PPP1R42: variants seen among roughly 807,000 people sequenced by gnomAD.
The protein encoded by PPP1R42 is protein phosphatase 1 regulatory subunit 42.
A neutral mutation model predicts 31.0 loss-of-function variants in PPP1R42; 34 were observed. The ratio of observed to expected loss-of-function variants is 1.10; its 90% CI spans 0.83 to 1.46. PPP1R42 has a LOEUF of 1.46. Ranked by LOEUF, PPP1R42 falls within the 40% of genes most tolerant of loss-of-function variation. The pLI, the probability that PPP1R42 is intolerant of heterozygous loss-of-function variation, is 0.00. For missense variants in PPP1R42, 268 were observed against 303.0 expected (o/e 0.88, Z 0.86); for synonymous variants, 103 against 109.8 (o/e 0.94, Z 0.39).
At chr8:66,999,943 G>A (rs1815435791) in intron 5 of PPP1R42, among the ~76,000 whole-genome samples, 1 of 152,096 alleles carries the variant, frequency 6.6e-6, no homozygotes, top group African/African-American at 2.4e-5. Context: ...TAGTGACATA[G>A]TTTTCATTCC....
chr8:67,000,898 G>A (rs550173198), intron 5 of PPP1R42, among the ~76,000 whole-genome samples: 10 of 152,290 alleles, frequency 6.6e-5, no homozygotes, highest in African/African-American at 2.2e-4. Context: ...CAAGAGAAGT[G>A]TTGAAATCTC....
At chr8:67,018,802 T>G (rs1585685485) in intron 1 of PPP1R42, among the ~76,000 whole-genome samples, 19 of 49,704 alleles carry the variant, frequency 3.8e-4, no homozygotes, top group South Asian at 2.2e-3. Context: ...TGAGCCACCG[T>G]GCCTGGCCCC....
intron 7 of PPP1R42, among the ~76,000 whole-genome samples, chr8:66,970,258 G>A (rs1585957648): frequency 6.6e-6 from 1 of 151,998 alleles, no homozygotes; most frequent in Admixed American, 6.6e-5. Context: ...AGCCTCCAAA[G>A]TAGCTGGGAC....
At chr8:66,997,930 T>C (rs768007378) in intron 5 of PPP1R42, among the ~76,000 whole-genome samples, 15 of 152,186 alleles carry the variant, frequency 9.9e-5, no homozygotes, top group Admixed American at 3.3e-4. Context: ...GAGAAAAGAA[T>C]CTGAGATCTT....
In PPP1R42 at chr8:66,984,383, G is replaced by A. The variant is rs1379352673; in HGVS notation, c.671-2203C>T. 6.1e-6 allele frequency: 8 copies of A among 1,305,938 alleles called. No homozygotes were observed. The East Asian group carries it at 6.9e-5, about 11-fold the overall frequency. The allele number at this position is 1,305,938 out of a possible 1,614,324, so 80.9% of individuals were successfully genotyped here. ...GATGTCTGTTCATCCCACTTTATCC[G>A]ATGCAGCATAAGATGCTTCAATTTC... is the stretch of plus-strand genomic sequence containing the variant. On this transcript the variant is annotated intron_variant, in intron 6 of 7. Transcript: ENST00000685739.
intron 5 of PPP1R42, among the ~76,000 whole-genome samples, chr8:66,991,972 A>G (rs1815202289): frequency 6.6e-6 from 1 of 152,168 alleles, no homozygotes; most frequent in Admixed American, 6.5e-5. Flanking sequence ...AGTCTACTGC[A>G]TGGCTATAGT....
intron 7 of PPP1R42, among the ~76,000 whole-genome samples, chr8:66,980,888 G>T (rs540289993): frequency 1.4e-3 from 220 of 152,028 alleles, no homozygotes; most frequent in African/African-American, 5.0e-3. Context: ...TGTCGCCCAG[G>T]CTGGAGTGCA....
intron 5 of PPP1R42, among the ~76,000 whole-genome samples, chr8:67,004,936 C>A (rs1815627281): frequency 6.6e-6 from 1 of 152,104 alleles, no homozygotes; most frequent in African/African-American, 2.4e-5. Flanking sequence ...GAGATGTTTT[C>A]TCTTGAGCTA....
intron 1 of PPP1R42, among the ~76,000 whole-genome samples, chr8:67,027,840 C>T (rs1333205003): frequency 6.6e-6 from 1 of 152,100 alleles, no homozygotes; most frequent in South Asian, 2.1e-4. Context: ...CTTTGGGACT[C>T]CTCTTACTAG....
chr8:66,977,478 C>G (rs1194566961), intron 7 of PPP1R42, among the ~76,000 whole-genome samples: 1 of 151,940 alleles, frequency 6.6e-6, no homozygotes, highest in Non-Finnish European at 1.5e-5. Flanking sequence ...GCTGGGACTA[C>G]AGGTGTGTAC....
At chr8:66,975,003 C>T (rs1007311992) in intron 7 of PPP1R42, among the ~76,000 whole-genome samples, 3 of 152,104 alleles carry the variant, frequency 2.0e-5, no homozygotes. Context: ...TTTAGAATTG[C>T]TTTTTTCTAT....
chr8:67,016,745 C>T (rs1816027349), intron 2 of PPP1R42, among the ~76,000 whole-genome samples: 2 of 152,214 alleles, frequency 1.3e-5, no homozygotes, highest in South Asian at 4.1e-4. Context: ...GTGTGACCCA[C>T]CACGCTTAGC....
intron 7 of PPP1R42, among the ~76,000 whole-genome samples, chr8:66,966,868 G>C (rs1814396611): frequency 6.6e-6 from 1 of 152,094 alleles, no homozygotes; most frequent in Non-Finnish European, 1.5e-5. Flanking sequence ...TAATTCTTTT[G>C]AATTAGATCT....
chr8:67,013,174 A>G, intron 3 of PPP1R42, 78 bp from the exon 4 acceptor site: 1 of 1,201,576 alleles, frequency 8.3e-7, no homozygotes, highest in Non-Finnish European at 1.1e-6. Flanking sequence ...AAAGTGTAAT[A>G]ACAAAATCAC....
In PPP1R42 at chr8:67,017,851, G is replaced by A. The variant is rs1816063540; in HGVS notation, c.-84-20C>T. On this transcript the variant is annotated intron_variant, in intron 1 of 7. Transcript: ENST00000685739. ...AACTTTCTGAAGATTAAAGAAAAAA[G>A]GAGCATTATGATATCATAGCAATTT... 2.4e-6 allele frequency: 3 copies of A among 1,264,992 alleles called. No individual in the cohort carries two copies. Among genetic ancestry groups the A allele is most frequent in the East Asian group, 5.4e-5 (2 of 36,850 alleles). The allele number at this position is 1,264,992 out of a possible 1,614,324, so 78.4% of individuals were successfully genotyped here.
intron 1 of PPP1R42, among the ~76,000 whole-genome samples, chr8:67,018,814 G>GCCC (rs55943057): frequency 0.013 from 49 of 3,644 alleles, 6 homozygotes; most frequent in East Asian, 0.095. Flanking sequence ...CCTGGCCCCC[G>GCCC]CCCCCCCCCC....
intron 5 of PPP1R42, among the ~76,000 whole-genome samples, chr8:66,999,114 G>A (rs554100640): frequency 2.0e-5 from 3 of 152,288 alleles, no homozygotes; most frequent in Non-Finnish European, 4.4e-5. Flanking sequence ...CTGGAGAGCA[G>A]TGGCATGATC....
chr8:66,969,806 A>T (rs2130910902), intron 7 of PPP1R42, among the ~76,000 whole-genome samples: 1 of 152,340 alleles, frequency 6.6e-6, no homozygotes, highest in African/African-American at 2.4e-5. Flanking sequence ...TTCTCAATGA[A>T]ATATGCTATT....
intron 4 of PPP1R42, among the ~76,000 whole-genome samples, chr8:67,012,476 G>A (rs1041112798): frequency 2.0e-5 from 3 of 152,124 alleles, no homozygotes; most frequent in Admixed American, 2.0e-4. Context: ...GGCCTACATA[G>A]TTCTGATGTG....
Sources: allele counts gnomAD v4.1 joint callset (sites outside exome capture counted in the v4.1 genomes callset), GRCh38; gene constraint gnomAD v4.1.1; transcripts MANE v1.5; gene names NCBI Gene and HGNC (gene_info 2026-07-23, HGNC 2026-07-21).